Variants in ZC3H11A observed in about 807,000 individuals in gnomAD.
ZC3H11A encodes zinc finger CCCH domain-containing protein 11A.
A neutral mutation model predicts 90.8 loss-of-function variants in ZC3H11A; 22 were observed. That is an observed-to-expected ratio of 0.24 (90% CI 0.17 to 0.35). The LOEUF (loss-of-function observed/expected upper bound fraction) is 0.35. ZC3H11A is among the 10% of genes least tolerant of loss of function. The pLI is 1.00. For synonymous variants in ZC3H11A, 294 were observed against 339.8 expected, an observed-to-expected ratio of 0.87 and a Z score of 1.48; for missense variants, 701 against 964.9, an observed-to-expected ratio of 0.73 and a Z score of 3.62.
chr1:203,831,527 C>T lies in ZC3H11A; in HGVS notation c.701-134C>T, dbSNP rs556674589. On this transcript the variant is annotated intron_variant, in intron 8 of 17. Coordinates refer to ENST00000367210, the MANE Select transcript of ZC3H11A (RefSeq NM_001376342.1). ...CCATTTGACTGTAGGCAAACAGATA[C>T]AGAAAGGCTGATTGGCTTATAGTCA... The T allele has an allele frequency of 6.1e-5, 42 of 688,108 alleles. No homozygotes were observed. The African/African-American group carries it at 7.3e-4, about 12-fold the overall frequency. 42.6% of individuals were successfully genotyped at this position (688,108 alleles called of 1,614,324 possible).
At chr1:203,851,968 C>CAAAA (rs57160781) in intron 17 of ZC3H11A, among the ~76,000 whole-genome samples, 173 bp from the exon 18 acceptor site, 2 of 45,840 alleles carry the variant, frequency 4.4e-5, no homozygotes, top group Non-Finnish European at 7.0e-5. Flanking sequence ...GACTCTGCCT[C>CAAAA]AAAAAAAAAA....
chr1:203,814,752 A>ACAGCAGCATTCACTTTCTG (rs1675691177), intron 2 of ZC3H11A, among the ~76,000 whole-genome samples: 1 of 152,170 alleles, frequency 6.6e-6, no homozygotes. Context: ...TTGGTTTTTT[A>ACAGCAGCATTCACTTTCTG]CAGCAGCATT....
intron 8 of ZC3H11A, among the ~76,000 whole-genome samples, chr1:203,831,176 T>C (rs762856373): frequency 1.3e-5 from 2 of 151,878 alleles, no homozygotes; most frequent in Non-Finnish European, 2.9e-5. Context: ...ACTCCCAACC[T>C]CAGGTAATCC....
chr1:203,827,140 AGAT>A (rs1478997706), intron 4 of ZC3H11A, among the ~76,000 whole-genome samples: 1 of 152,176 alleles, frequency 6.6e-6, no homozygotes, highest in East Asian at 1.9e-4. Context: ...TCTCATTACT[AGAT>A]GATATTCTGT....
At chr1:203,799,583 T>C (rs1025763921) in intron 1 of ZC3H11A, 12 of 702,988 alleles carry the variant, frequency 1.7e-5, no homozygotes, top group Admixed American at 6.0e-5. Flanking sequence ...TAATGACTTA[T>C]GTTTGTGATA....
chr1:203,850,768 G>A, intron 16 of ZC3H11A, 87 bp downstream of exon 16: 1 of 1,508,420 alleles, frequency 6.6e-7, no homozygotes, highest in Non-Finnish European at 9.0e-7. Context: ...TCTATCTTGA[G>A]TATATCACTT....
intron 4 of ZC3H11A, among the ~76,000 whole-genome samples, chr1:203,819,574 G>C (rs1340487079): frequency 4.5e-5 from 4 of 88,492 alleles, no homozygotes; most frequent in Non-Finnish European, 8.7e-5. Context: ...TGCTCTTGTT[G>C]CCCAGGCTGG....
At position 203,833,773 on chromosome 1, in the gene ZC3H11A, C is replaced by T. The variant is rs553351388; in HGVS notation, c.812-18C>T. 2 of 1,602,070 alleles carry T rather than the reference C, an allele frequency of 1.2e-6. No homozygotes were observed. The highest frequency in any genetic ancestry group is 1.1e-5 in the South Asian group (1 of 88,672). The stretch of plus-strand genomic sequence containing the variant: ...AAAATTGACTAAGGATAGAGAAATT[C>T]TGCTTTTGCCATTTCAGGAGAAGAA... On this transcript the variant is annotated intron_variant, in intron 9 of 17. Coordinates refer to ENST00000367210, the MANE Select transcript of ZC3H11A (RefSeq NM_001376342.1).
chr1:203,836,375 A>G (rs1348482763), intron 10 of ZC3H11A, among the ~76,000 whole-genome samples: 1 of 152,194 alleles, frequency 6.6e-6, no homozygotes, highest in Non-Finnish European at 1.5e-5. Context: ...TACCTTGCAA[A>G]CAATGTAACT....
At chr1:203,798,487 A>G (rs1001562186) in intron 1 of ZC3H11A, 15 of 1,536,174 alleles carry the variant, frequency 9.8e-6, no homozygotes, top group South Asian at 3.6e-5. Context: ...GCTGTTGCCA[A>G]CAAAGACAGT....
At chr1:203,839,246 T>C (rs542855551) in intron 11 of ZC3H11A, among the ~76,000 whole-genome samples, 2 of 152,330 alleles carry the variant, frequency 1.3e-5, no homozygotes, top group South Asian at 2.1e-4. Context: ...GGTTTCACAG[T>C]GTTGCCTAGG....
intron 2 of ZC3H11A, among the ~76,000 whole-genome samples, chr1:203,808,018 G>A (rs1053632360): frequency 3.9e-5 from 6 of 152,084 alleles, no homozygotes; most frequent in Middle Eastern, 3.4e-3. Flanking sequence ...CTGGCATTAC[G>A]GATGTGAGCC....
Position 203,849,951 on chromosome 1 carries a change from G to A in ZC3H11A, c.1864G>A (p.Val622Ile), listed in dbSNP as rs767575114. Residue 622 changes from valine (V) to isoleucine (I), a missense_variant, in exon 15 of 18, where the codon GTA (valine) becomes ATA (isoleucine). Around this residue, in one of 4 missense-constraint regions of ZC3H11A, gnomAD observed 530 missense variants for 696.2 expected, o/e 0.76. Coordinates refer to ENST00000367210, the MANE Select transcript of ZC3H11A (RefSeq NM_001376342.1). ...CACAAAGTCATCCCAGAAGGTGGAG[G>A]TAGAAACCTCAGGGATTGGAGACTC... ...LPTKSSQKVE[V>I]ETSGIGDSLL... 3 of 1,614,096 alleles carry A rather than the reference G, an allele frequency of 1.9e-6. No individual in the cohort carries two copies. Among genetic ancestry groups the A allele is most frequent in the African/African-American group, 1.3e-5 (1 of 75,010 alleles).
At chr1:203,816,625 T>C (rs376057207) in intron 2 of ZC3H11A, among the ~76,000 whole-genome samples, 3 of 152,216 alleles carry the variant, frequency 2.0e-5, no homozygotes, top group Admixed American at 6.5e-5. Flanking sequence ...AGTGAGACAC[T>C]GTCTCTAAAA....
chr1:203,815,216 C>CTTT lies in ZC3H11A; in HGVS notation c.-145-1696_-145-1694dup, dbSNP rs59254922. 2.6e-3 allele frequency among the ~76,000 whole-genome samples: 254 copies of CTTT among 97,124 alleles called. 19 individuals carry two copies. The highest frequency in any genetic ancestry group is 9.3e-3 in the Middle Eastern group (1 of 108). 63.7% of individuals were successfully genotyped at this position (97,124 alleles called of 152,430 possible). On this transcript the variant is annotated intron_variant, in intron 2 of 17. Coordinates refer to ENST00000367210, the MANE Select transcript of ZC3H11A (RefSeq NM_001376342.1). ...TTCATTATTTTCTTCCTTTTCTTTT[C>CTTT]TTTTTTTTTTTTTTTTGAGACAGTG...
intron 2 of ZC3H11A, among the ~76,000 whole-genome samples, chr1:203,810,425 T>C (rs1371060417): frequency 6.7e-6 from 1 of 149,434 alleles, no homozygotes; most frequent in Non-Finnish European, 1.5e-5. Flanking sequence ...GCTGTTAGGT[T>C]TTTTTTTTTT....
chr1:203,815,489 G>A (rs1404282496), intron 2 of ZC3H11A, among the ~76,000 whole-genome samples: 2 of 151,604 alleles, frequency 1.3e-5, no homozygotes, highest in Non-Finnish European at 2.9e-5. Context: ...AGAGTGCTGG[G>A]ATTATAGGTA....
chr1:203,850,572 T>C lies in ZC3H11A; in HGVS notation c.1997T>C (p.Leu666Ser), dbSNP rs765575093. Residue 666 changes from leucine (L) to serine (S), a missense_variant, in exon 16 of 18, where the codon TTG becomes TCG. This residue lies in a region of ZC3H11A where 530 missense variants were observed against 696.2 expected (regional missense o/e 0.76). Coordinates refer to ENST00000367210, the MANE Select transcript of ZC3H11A (RefSeq NM_001376342.1). ...SVVKVVSSPK[L>S]APKRKAVEMH... is the part of the protein sequence containing the mutation. ...GTTAAAGTTGTGTCATCCCCCAAAT[T>C]GGCCCCAAAACGTAAGGCAGTGGAG... The C allele has an allele frequency of 3.1e-6, 5 of 1,614,008 alleles. No homozygotes were observed. In the South Asian group the frequency reaches 5.5e-5, roughly 18 times the overall value.
In ZC3H11A at chr1:203,802,820, C is replaced by T. The variant is rs1670961522; in HGVS notation, c.-342C>T. On this transcript the variant is annotated 5_prime_UTR_variant, in exon 2 of 18. The change creates a premature stop within an existing upstream ORF in the 5' untranslated region. Coordinates refer to ENST00000367210, the MANE Select transcript of ZC3H11A (RefSeq NM_001376342.1). ...GGTTATTTGAATGGACTTAATCTCC[C>T]AGTAGTTGGGAGATGTTTTAAAAAC... 1 of 152,022 alleles carries T rather than the reference C, an allele frequency of 6.6e-6. No individual in the cohort carries two copies. Among genetic ancestry groups the T allele is most frequent in the Non-Finnish European group, 1.5e-5 (1 of 67,956 alleles). The allele number at this position is 152,022 out of a possible 1,614,324, so 9.4% of individuals were successfully genotyped here.
Sources: allele counts gnomAD v4.1 joint callset (sites outside exome capture counted in the v4.1 genomes callset), GRCh38; gene constraint gnomAD v4.1.1; regional missense constraint gnomAD v4.1.1; transcripts MANE v1.5; gene names NCBI Gene and HGNC (gene_info 2026-07-23, HGNC 2026-07-21).